TSPAN2: variants seen among roughly 807,000 people sequenced by gnomAD.
TSPAN2 encodes the protein tetraspanin 2, also known as tetraspanin-2.
A neutral mutation model predicts 33.3 loss-of-function variants in TSPAN2; 24 were observed. The ratio of observed to expected loss-of-function variants is 0.72; its 90% CI spans 0.52 to 1.01. The LOEUF is 1.01. TSPAN2 is among the 50% of genes least tolerant of loss of function. The probability of loss-of-function intolerance (pLI) is 0.00; values close to 1 mark genes in which losing one functional copy is unlikely to be tolerated. For synonymous variants in TSPAN2, 114 were observed against 104.5 expected (o/e 1.09, Z -0.56); for missense variants, 278 against 281.3 (o/e 0.99, Z 0.08).
rs1237951557 is a variant in TSPAN2, at chr1:115,048,462, A to G, written c.*2028T>C. On this transcript the variant is annotated 3_prime_UTR_variant, in exon 8 of 8. Coordinates refer to ENST00000369516, the MANE Select transcript of TSPAN2 (RefSeq NM_005725.6). ...TCCAAAAGGGGCACATTAATCGTAC[A>G]TGGAACAGAACCCTTCTCTTCTACT... 6.6e-6 allele frequency: 1 copy of G among 151,936 alleles called. No homozygotes were observed. The highest frequency in any genetic ancestry group is 2.4e-5 in the African/African-American group (1 of 41,442). The allele number at this position is 151,936 out of a possible 1,614,324, so 9.4% of individuals were successfully genotyped here.
At chr1:115,074,583 G>C (rs1009987480) in intron 1 of TSPAN2, among the ~76,000 whole-genome samples, 1 of 152,206 alleles carries the variant, frequency 6.6e-6, no homozygotes, top group African/African-American at 2.4e-5. Context: ...GGCATGTCAT[G>C]GAAACATATT....
intron 2 of TSPAN2, among the ~76,000 whole-genome samples, chr1:115,070,374 CT>C (rs35027846): frequency 2.7e-4 from 38 of 139,312 alleles, no homozygotes; most frequent in East Asian, 4.1e-4. Flanking sequence ...CAATAATCTG[CT>C]TTTTTTTTTT....
intron 2 of TSPAN2, among the ~76,000 whole-genome samples, 163 bp from the exon 3 acceptor site, chr1:115,062,395 A>C (rs1453094378): frequency 6.6e-6 from 1 of 152,164 alleles, no homozygotes; most frequent in Non-Finnish European, 1.5e-5. Context: ...CCAAAAGGTA[A>C]AGCGATTTGC....
chr1:115,073,730 G>A (rs1648285760), intron 1 of TSPAN2, among the ~76,000 whole-genome samples: 1 of 151,970 alleles, frequency 6.6e-6, no homozygotes, highest in Non-Finnish European at 1.5e-5. Context: ...AGCGTGGTCT[G>A]TGTGCTGTGT....
At chr1:115,056,268 G>C (rs73006283) in intron 6 of TSPAN2, among the ~76,000 whole-genome samples, 1 of 152,010 alleles carries the variant, frequency 6.6e-6, no homozygotes, top group Admixed American at 6.6e-5. Context: ...TTTGGACTTT[G>C]ACTTTTGTAA....
intron 7 of TSPAN2, 50 bp from the exon 8 acceptor site, chr1:115,050,605 GTA>G: frequency 6.5e-7 from 1 of 1,535,844 alleles, no homozygotes; most frequent in Non-Finnish European, 9.0e-7. Flanking sequence ...GTACTGATAG[GTA>G]AAAAGTTCAG....
chr1:115,060,538 A>T lies in TSPAN2; in HGVS notation c.271T>A (p.Phe91Ile), dbSNP rs1647673306. 6.2e-7 allele frequency: 1 copy of T among 1,611,936 alleles called. No homozygotes were observed. The highest frequency in any genetic ancestry group is 8.5e-7 in the Non-Finnish European group (1 of 1,178,812). Residue 91 changes from phenylalanine (F) to isoleucine (I), a missense_variant and splice_region_variant, in exon 4 of 8, where the codon TTT becomes ATT. Phe to Ile is a conservative substitution (Grantham distance 21, BLOSUM62 0). Coordinates refer to ENST00000369516, the MANE Select transcript of TSPAN2 (RefSeq NM_005725.6). ...AATATCACCAGGAGGCAGGTAAAAA[A>T]CTGTAGAGGAGAGAAAATACTAATT... is the stretch of plus-strand genomic sequence containing the variant. Reference protein sequence around the residue: ...MRESQCVLGSFFTCLLVIFAA... With the variant: ...MRESQCVLGSIFTCLLVIFAA...
At chr1:115,084,460 G>T (rs1306813210) in intron 1 of TSPAN2, among the ~76,000 whole-genome samples, 1 of 152,090 alleles carries the variant, frequency 6.6e-6, no homozygotes, top group East Asian at 1.9e-4. Context: ...TCTGTCCGAG[G>T]TCTACCGGAA....
intron 5 of TSPAN2, among the ~76,000 whole-genome samples, 195 bp downstream of exon 5, chr1:115,058,688 T>G (rs996946128): frequency 4.6e-5 from 7 of 152,254 alleles, no homozygotes; most frequent in African/African-American, 1.7e-4. Flanking sequence ...TCTTGTGAAC[T>G]CTGTGTGATA....
rs949134440 is a variant in TSPAN2 at position 115,089,438 on chromosome 1, G to C, written c.-6C>G. ...CCCCCGCGGAAGCGCCCCATGCTGC[G>C]GCCCGGCGGCGGGATCCCCAGTCCC... is the stretch of plus-strand genomic sequence containing the variant. On this transcript the variant is annotated 5_prime_UTR_variant, in exon 1 of 8. Transcript: ENST00000369516. The C allele has an allele frequency of 5.8e-6, 9 of 1,557,058 alleles. No homozygotes were observed. The highest frequency in any genetic ancestry group is 7.8e-6 in the Non-Finnish European group (9 of 1,153,256).
intron 1 of TSPAN2, among the ~76,000 whole-genome samples, chr1:115,075,527 G>A (rs1358769931): frequency 6.6e-6 from 1 of 152,170 alleles, no homozygotes; most frequent in African/African-American, 2.4e-5. Flanking sequence ...TAAGATTCAT[G>A]GAATGCTCTG....
chr1:115,072,930 G>A lies in TSPAN2; in HGVS notation c.147C>T (p.Asp49=). The change falls in exon 2 of 8, where the codon GAC becomes GAT. Residue 49 remains aspartate (D), a synonymous_variant. Transcript: ENST00000369516. Reference sequence around the variant, plus strand: ...CCACATAGAAATACTCTGGGGACTTGTCCTCTGATGATAACTCCTTTATGG... The same window carrying A: ...CCACATAGAAATACTCTGGGGACTTATCCTCTGATGATAACTCCTTTATGG... ...GGAIKELSSE[D]KSPEYFYVGL... The A allele has an allele frequency of 6.2e-7, 1 of 1,614,088 alleles. No homozygotes were observed. The highest frequency in any genetic ancestry group is 1.1e-5 in the South Asian group (1 of 91,084).
chr1:115,053,499 T>C, intron 6 of TSPAN2, 37 bp from the exon 7 acceptor site: 1 of 1,543,970 alleles, frequency 6.5e-7, no homozygotes, highest in South Asian at 1.1e-5. Flanking sequence ...TAAAAACTGA[T>C]TGTATGTGTC....
At chr1:115,085,545 G>C (rs1461280911) in intron 1 of TSPAN2, among the ~76,000 whole-genome samples, 2 of 152,122 alleles carry the variant, frequency 1.3e-5, no homozygotes, top group African/African-American at 4.8e-5. Flanking sequence ...AACTCCGAGG[G>C]GCAGGCACAT....
At chr1:115,064,823 G>A (rs1196606994) in intron 2 of TSPAN2, among the ~76,000 whole-genome samples, 1 of 152,142 alleles carries the variant, frequency 6.6e-6, no homozygotes, top group Non-Finnish European at 1.5e-5. Flanking sequence ...GAGACACCCT[G>A]GAATATGTGA....
chr1:115,050,461 T>C lies in TSPAN2; in HGVS notation c.*29A>G. The C allele has an allele frequency of 1.2e-6, 2 of 1,604,158 alleles. No homozygotes were observed. The highest frequency in any genetic ancestry group is 1.7e-6 in the Non-Finnish European group (2 of 1,170,946). On this transcript the variant is annotated 3_prime_UTR_variant, in exon 8 of 8. Coordinates refer to ENST00000369516, the MANE Select transcript of TSPAN2 (RefSeq NM_005725.6). Reference sequence around the variant, plus strand: ...CCTGTGACATTTGGTATGAAAGCTTTAGATTGCAATTTTCATGTAGAAGTA... The same window carrying C: ...CCTGTGACATTTGGTATGAAAGCTTCAGATTGCAATTTTCATGTAGAAGTA...
chr1:115,087,162 G>A (rs1359104526), intron 1 of TSPAN2, among the ~76,000 whole-genome samples: 3 of 151,732 alleles, frequency 2.0e-5, no homozygotes, highest in South Asian at 2.1e-4. Context: ...CAGGTGATCC[G>A]CCTGCCTTGG....
chr1:115,052,289 C>A (rs1998009), intron 7 of TSPAN2, among the ~76,000 whole-genome samples: 53,166 of 152,024 alleles, frequency 0.35, 9,626 homozygotes, highest in South Asian at 0.51. Flanking sequence ...CTGATAACTG[C>A]AAATTCACTG....
rs1052206223 is a variant in TSPAN2, at chr1:115,048,213, G to A, written c.*2277C>T. 7 of 149,226 alleles carry A rather than the reference G, an allele frequency of 4.7e-5. No homozygotes were observed. The highest frequency in any genetic ancestry group is 1.7e-4 in the African/African-American group (7 of 40,756). 9.2% of individuals were successfully genotyped at this position (149,226 alleles called of 1,614,324 possible). ...CACACACATCTGTATATACATACAT[G>A]TATATATTCAAATTATATACATATA... is the stretch of plus-strand genomic sequence containing the variant. On this transcript the variant is annotated 3_prime_UTR_variant, in exon 8 of 8. Coordinates refer to ENST00000369516, the MANE Select transcript of TSPAN2 (RefSeq NM_005725.6).
Sources: allele counts gnomAD v4.1 joint callset (sites outside exome capture counted in the v4.1 genomes callset), GRCh38; gene constraint gnomAD v4.1.1; transcripts MANE v1.5; gene names NCBI Gene and HGNC (gene_info 2026-07-23, HGNC 2026-07-21).